RAD1: variants seen among roughly 807,000 people sequenced by gnomAD.
RAD1 encodes the protein cell cycle checkpoint protein RAD1.
A neutral mutation model predicts 30.0 loss-of-function variants in RAD1; 21 were observed. That is an observed-to-expected ratio of 0.70 (90% CI 0.50 to 1.01). The LOEUF (loss-of-function observed/expected upper bound fraction) is 1.01, where lower values mean the gene tolerates loss of function less well. Ranked by LOEUF, RAD1 falls within the 50% of genes least tolerant of loss-of-function variation. The pLI, the probability that RAD1 is intolerant of heterozygous loss-of-function variation, is 0.00. For synonymous variants in RAD1, 109 were observed against 113.6 expected, an observed-to-expected ratio of 0.96 and a Z score of 0.26; for missense variants, 329 against 329.0, an observed-to-expected ratio of 1.00 and a Z score of 0.00.
At chr5:34,914,662 A>G in intron 2 of RAD1, 33 bp downstream of exon 2, 1 of 1,604,344 alleles carries the variant, frequency 6.2e-7, no homozygotes, top group Non-Finnish European at 8.5e-7. Context: ...TAGAGTATCT[A>G]TGGCACAGGC....
At chr5:34,915,103 T>C (rs2111959459) in intron 1 of RAD1, 142 bp from the exon 2 acceptor site, 2 of 576,244 alleles carry the variant, frequency 3.5e-6, no homozygotes, top group East Asian at 2.8e-5. Context: ...ACTATCTTTG[T>C]AATTCTGGAG....
rs559946076 is a variant in RAD1 at position 34,908,426 on chromosome 5, C to T, written c.*339G>A. ...CTGACCTCAGGTGATCCGCCCACCT[C>T]GGCTTCCCAAAGTGCTGGGATTAAA... On this transcript the variant is annotated 3_prime_UTR_variant, in exon 6 of 6. Transcript: ENST00000382038. The T allele has an allele frequency of 1.4e-3, 221 of 162,256 alleles. No homozygotes were observed. The highest frequency in any genetic ancestry group is 4.4e-3 in the African/African-American group (184 of 42,052). The allele number at this position is 162,256 out of a possible 1,614,324, so 10.1% of individuals were successfully genotyped here.
Position 34,911,855 on chromosome 5 carries a change from C to T in RAD1, c.308-43G>A, listed in dbSNP as rs199685969. 12 of 1,579,274 alleles carry T rather than the reference C, an allele frequency of 7.6e-6. No homozygotes were observed. The Admixed American group carries it at 2.1e-4, about 28-fold the overall frequency. ...CATACTTGGCCTTAGCTTTATAGTT[C>T]TGGGTTCAGCTTCTCCTCGAAATGA... On this transcript the variant is annotated intron_variant, in intron 3 of 5. Transcript: ENST00000382038.
In RAD1 at chr5:34,906,940, G is replaced by A. The variant is rs1425201685; in HGVS notation, c.*1825C>T. 3 of 152,090 alleles carry A rather than the reference G, an allele frequency of 2.0e-5. No individual in the cohort carries two copies. The highest frequency in any genetic ancestry group is 1.3e-4 in the Admixed American group (2 of 15,268). 9.4% of individuals were successfully genotyped at this position (152,090 alleles called of 1,614,324 possible). ...TGGTTATCTAAACAAAAAATACTCT[G>A]ACAACATTTAGTAAATTCATTTGTT... On this transcript the variant is annotated 3_prime_UTR_variant, in exon 6 of 6. Coordinates refer to ENST00000382038, the MANE Select transcript of RAD1 (RefSeq NM_002853.4).
chr5:34,914,046 G>A (rs1161578200), intron 2 of RAD1: 3 of 455,756 alleles, frequency 6.6e-6, no homozygotes, highest in African/African-American at 4.0e-5. Flanking sequence ...GACAAGAACC[G>A]TGTCTTATTT....
Position 34,910,460 on chromosome 5 carries a change from C to G in RAD1, c.566+1094G>C, listed in dbSNP as rs1233568560. Among the ~76,000 whole-genome samples the G allele has an allele frequency of 4.0e-5, 6 of 151,230 alleles. No homozygotes were observed. In the East Asian group the frequency reaches 9.7e-4, roughly 25 times the overall value. ...TTTTTTTTTTTGAGACAGATTCTCACTCTGTCACCCAGGCTGGAGTGCAGT... is the reference window on the plus strand; with the variant it reads ...TTTTTTTTTTTGAGACAGATTCTCAGTCTGTCACCCAGGCTGGAGTGCAGT... On this transcript the variant is annotated intron_variant, in intron 4 of 5. Coordinates refer to ENST00000382038, the MANE Select transcript of RAD1 (RefSeq NM_002853.4).
rs1763942414 is a variant in RAD1, at chr5:34,913,876, T to G, written c.199-298A>C. 3 of 467,182 alleles carry G rather than the reference T, an allele frequency of 6.4e-6. No individual in the cohort carries two copies. In the Admixed American group the frequency reaches 7.3e-5, roughly 11 times the overall value. 28.9% of individuals were successfully genotyped at this position (467,182 alleles called of 1,614,324 possible). On this transcript the variant is annotated intron_variant, in intron 2 of 5. Coordinates refer to ENST00000382038, the MANE Select transcript of RAD1 (RefSeq NM_002853.4). ...TTGATAATGCATGAGCAACATTAGT[T>G]TCAACTTTTATTATGATTTTTTATT... is the stretch of plus-strand genomic sequence containing the variant.
At chr5:34,912,224 A>G (rs1313643152) in intron 3 of RAD1, among the ~76,000 whole-genome samples, 4 of 152,228 alleles carry the variant, frequency 2.6e-5, no homozygotes, top group Non-Finnish European at 4.4e-5. Flanking sequence ...TCTGTACTGT[A>G]ACGTCAGTGT....
Position 34,911,641 on chromosome 5 carries a change from G to C in RAD1, c.479C>G (p.Ser160Ter). 2 of 1,614,110 alleles carry C rather than the reference G, an allele frequency of 1.2e-6. No homozygotes were observed. Among genetic ancestry groups the C allele is most frequent in the Non-Finnish European group, 1.7e-6 (2 of 1,180,026 alleles). Reference protein sequence around the residue: ...TNVINKIILQSEGLREAFSEL... With the variant: ...TNVINKIILQ ...AGAAAATGCTTCACGGAGCCCCTCTGACTGCAGAATAATTTTATTAATAAC... is the reference window on the plus strand; with the variant it reads ...AGAAAATGCTTCACGGAGCCCCTCTCACTGCAGAATAATTTTATTAATAAC... Residue 160 changes from serine to a stop codon, truncating the protein, a stop_gained, in exon 4 of 6, where the codon TCA (serine) becomes TGA (stop). Coordinates refer to ENST00000382038, the MANE Select transcript of RAD1 (RefSeq NM_002853.4). LOFTEE classifies it high-confidence loss of function.
Position 34,913,450 on chromosome 5 carries a change from T to A in RAD1, c.307+20A>T. ...CACTATGTATAACACTTTTATGTCT[T>A]TATACTGATCATAGTTTACCTGGCA... is the stretch of plus-strand genomic sequence containing the variant. On this transcript the variant is annotated intron_variant, in intron 3 of 5. Coordinates refer to ENST00000382038, the MANE Select transcript of RAD1 (RefSeq NM_002853.4). 1.4e-6 allele frequency: 2 copies of A among 1,432,220 alleles called. No individual in the cohort carries two copies. Among genetic ancestry groups the A allele is most frequent in the Non-Finnish European group, 1.9e-6 (2 of 1,038,218 alleles). 88.7% of individuals were successfully genotyped at this position (1,432,220 alleles called of 1,614,324 possible).
intron 4 of RAD1, among the ~76,000 whole-genome samples, chr5:34,910,035 C>T (rs373780625): frequency 1.3e-5 from 2 of 152,184 alleles, no homozygotes; most frequent in East Asian, 3.9e-4. Flanking sequence ...CTCTCTGACC[C>T]GTCTCATCCA....
At chr5:34,912,762 G>C (rs1318795397) in intron 3 of RAD1, among the ~76,000 whole-genome samples, 2 of 152,166 alleles carry the variant, frequency 1.3e-5, no homozygotes, top group African/African-American at 4.8e-5. Context: ...AACTTAGAGA[G>C]ACTGAGGCGG....
chr5:34,915,343 A>C (rs1260246081), intron 1 of RAD1, 73 bp downstream of exon 1: 2 of 233,418 alleles, frequency 8.6e-6, no homozygotes, highest in Non-Finnish European at 8.4e-6. Flanking sequence ...GTCCCAGACA[A>C]CCCCATTCAC....
At position 34,905,547 on chromosome 5, in the gene RAD1, G is replaced by A. The variant is rs926213604; in HGVS notation, c.*3218C>T. ...ATTTTGAAGCATTTCATCAATTCTC[G>A]GTGGAAGCACTACATCATCGAATGG... On this transcript the variant is annotated 3_prime_UTR_variant, in exon 6 of 6. Transcript: ENST00000382038. 6.6e-6 allele frequency: 1 copy of A among 151,318 alleles called. No homozygotes were observed. The highest frequency in any genetic ancestry group is 1.5e-5 in the Non-Finnish European group (1 of 67,922). 9.4% of individuals were successfully genotyped at this position (151,318 alleles called of 1,614,324 possible). A position where few individuals can be genotyped will look rare whatever the true frequency, so the allele number is the denominator to read the frequency against.
chr5:34,909,760 T>C (rs1032619584), intron 4 of RAD1, among the ~76,000 whole-genome samples: 2 of 152,212 alleles, frequency 1.3e-5, no homozygotes, highest in African/African-American at 4.8e-5. Flanking sequence ...CTTTTCTGTA[T>C]CTTAGACTGC....
chr5:34,912,077 T>C (rs748573787), intron 3 of RAD1, among the ~76,000 whole-genome samples: 17 of 152,206 alleles, frequency 1.1e-4, no homozygotes, highest in Admixed American at 9.8e-4. Context: ...ACCTCAGAAA[T>C]AGCTTGTTGA....
At chr5:34,913,984 C>T (rs1338266721) in intron 2 of RAD1, 6 of 456,924 alleles carry the variant, frequency 1.3e-5, no homozygotes, top group South Asian at 9.3e-5. Context: ...CCTCGGTCTC[C>T]TGAGCAGCTG....
chr5:34,915,070 C>A, intron 1 of RAD1, 109 bp from the exon 2 acceptor site: 1 of 609,570 alleles, frequency 1.6e-6, no homozygotes, highest in Non-Finnish European at 2.9e-6. Flanking sequence ...GCTGACCAGG[C>A]CGAACCCCAC....
In RAD1 at chr5:34,908,680, A is replaced by G. The variant is rs1763728569; in HGVS notation, c.*85T>C. ...GTGCTTCTTCTCTATAGAAAATCCA[A>G]TATGAAATGACAAAGAGTACTGTAC... On this transcript the variant is annotated 3_prime_UTR_variant, in exon 6 of 6. Coordinates refer to ENST00000382038, the MANE Select transcript of RAD1 (RefSeq NM_002853.4). 1.6e-6 allele frequency: 2 copies of G among 1,242,162 alleles called. No individual in the cohort carries two copies. The highest frequency in any genetic ancestry group is 2.2e-6 in the Non-Finnish European group (2 of 893,286). The allele number at this position is 1,242,162 out of a possible 1,614,324, so 76.9% of individuals were successfully genotyped here.
Sources: gnomAD v4.1 joint callset for allele counts (sites outside exome capture counted in the v4.1 genomes callset) on GRCh38, gnomAD v4.1.1 for gene constraint, MANE v1.5 for transcripts, NCBI Gene and HGNC (gene_info 2026-07-23, HGNC 2026-07-21) for gene names.